Variants in CAMTA1 observed in about 807,000 individuals in gnomAD.
The protein encoded by CAMTA1 is calmodulin binding transcription activator 1, also known as calmodulin-binding transcription activator 1.
Under a neutral mutation model 170.9 loss-of-function variants are expected in CAMTA1, and 27 were observed. The observed-to-expected ratio is 0.16, with a 90% CI of 0.12 to 0.22. CAMTA1 has a LOEUF of 0.22. Among genes scored for constraint, CAMTA1 ranks in the 10% least tolerant of loss-of-function variants. The pLI is 1.00. For synonymous variants in CAMTA1, 833 were observed against 891.5 expected (o/e 0.93, Z 1.17); for missense variants, 1,619 against 2,217.2 (o/e 0.73, Z 5.42).
At chr1:6,922,534 T>G (rs1444392301) in intron 3 of CAMTA1, among the ~76,000 whole-genome samples, 2 of 152,196 alleles carry the variant, frequency 1.3e-5, no homozygotes, top group Non-Finnish European at 2.9e-5. Flanking sequence ...TGGCATCCCT[T>G]TCTCCATGTG....
At chr1:7,646,746 T>C (rs1230209976) in intron 7 of CAMTA1, among the ~76,000 whole-genome samples, 1 of 150,452 alleles carries the variant, frequency 6.6e-6, no homozygotes, top group Non-Finnish European at 1.5e-5. Context: ...GTGGAGGCCA[T>C]GGTGAGTGGG....
chr1:7,244,928 T>G (rs985040262), intron 4 of CAMTA1, among the ~76,000 whole-genome samples: 1 of 151,806 alleles, frequency 6.6e-6, no homozygotes, highest in African/African-American at 2.4e-5. Context: ...ATAAATTAAT[T>G]AATTAATTAA....
chr1:7,464,315 G>T (rs1428482775), intron 5 of CAMTA1, among the ~76,000 whole-genome samples: 1 of 152,194 alleles, frequency 6.6e-6, no homozygotes, highest in African/African-American at 2.4e-5. Flanking sequence ...AAGCTCAACT[G>T]GGGAAACCCC....
At chr1:7,276,735 A>G (rs574879756) in intron 5 of CAMTA1, among the ~76,000 whole-genome samples, 1 of 152,296 alleles carries the variant, frequency 6.6e-6, no homozygotes, top group South Asian at 2.1e-4. Context: ...TAAGGCCAGG[A>G]AAAGAAATAA....
rs1268150823 is a variant in CAMTA1 at position 7,224,550 on chromosome 1, T to C, written c.303-24941T>C. 6.6e-6 allele frequency among the ~76,000 whole-genome samples: 1 copy of C among 152,240 alleles called. No individual in the cohort carries two copies. The highest frequency in any genetic ancestry group is 1.5e-5 in the Non-Finnish European group (1 of 68,046). ...TATTATTTTTCAGGAATCTGCTGTG[T>C]ACGGGTTTTATTTTTAAATGTCATC... On this transcript the variant is annotated intron_variant, in intron 4 of 22. Transcript: ENST00000303635. This position sits in a 1 kb window ranked among gnomAD's most constrained non-coding sequence, Gnocchi z 5.2.
At chr1:7,053,027 C>A (rs549780386) in intron 3 of CAMTA1, among the ~76,000 whole-genome samples, 17 of 152,210 alleles carry the variant, frequency 1.1e-4, no homozygotes, top group Non-Finnish European at 2.2e-4. Flanking sequence ...CGCCCGGCCA[C>A]TCTGCTGAGG....
At chr1:7,058,004 A>G (rs961043951) in intron 3 of CAMTA1, among the ~76,000 whole-genome samples, 1 of 152,196 alleles carries the variant, frequency 6.6e-6, no homozygotes, top group African/African-American at 2.4e-5. Context: ...TTTCTGTTCC[A>G]GAGGCAGGGA....
intron 6 of CAMTA1, among the ~76,000 whole-genome samples, chr1:7,629,950 C>T (rs766214281): frequency 7.2e-5 from 11 of 152,192 alleles, no homozygotes; most frequent in Non-Finnish European, 1.3e-4. Context: ...TCGCCCTGCA[C>T]GTCACTGCCC....
chr1:6,808,201 C>A (rs779465275), intron 1 of CAMTA1, among the ~76,000 whole-genome samples: 5 of 151,648 alleles, frequency 3.3e-5, no homozygotes, highest in South Asian at 2.1e-4. Context: ...GGATTTAATT[C>A]TCTGCTCAGG....
At chr1:7,164,556 A>C (rs549591785) in intron 4 of CAMTA1, among the ~76,000 whole-genome samples, 5 of 152,328 alleles carry the variant, frequency 3.3e-5, no homozygotes, top group African/African-American at 1.2e-4. Flanking sequence ...CTTGGGGTCT[A>C]TGCCCGTGCC....
At chr1:7,086,305 G>A (rs1291298966) in intron 3 of CAMTA1, among the ~76,000 whole-genome samples, 1 of 152,088 alleles carries the variant, frequency 6.6e-6, no homozygotes, top group Non-Finnish European at 1.5e-5. Flanking sequence ...TGGGGAGGCC[G>A]CCGGGCACGC....
At chr1:7,074,070 T>C (rs1638993475) in intron 3 of CAMTA1, among the ~76,000 whole-genome samples, 1 of 152,200 alleles carries the variant, frequency 6.6e-6, no homozygotes. Flanking sequence ...GGCAGGAGGA[T>C]CTGCCCTGGT....
At chr1:6,877,902 C>T (rs1670388766) in intron 3 of CAMTA1, among the ~76,000 whole-genome samples, 1 of 152,352 alleles carries the variant, frequency 6.6e-6, no homozygotes, top group Middle Eastern at 3.4e-3. Flanking sequence ...TTTACCTGCT[C>T]TAGTTCACCT....
Position 7,736,621 on chromosome 1 carries a change from A to G in CAMTA1, c.3263+81A>G. The G allele has an allele frequency of 7.3e-7, 1 of 1,369,440 alleles. No individual in the cohort carries two copies. Among genetic ancestry groups the G allele is most frequent in the Non-Finnish European group, 1.0e-6 (1 of 966,130 alleles). 84.8% of individuals were successfully genotyped at this position (1,369,440 alleles called of 1,614,324 possible). On this transcript the variant is annotated intron_variant, in intron 13 of 22. Coordinates refer to ENST00000303635, the MANE Select transcript of CAMTA1 (RefSeq NM_015215.4). This position sits in a 1 kb window ranked among gnomAD's most constrained non-coding sequence, Gnocchi z 4.5. ...CTTCCTGAGCACTGCCACCCGTGGA[A>G]GAAATCTACCCATTCAGTCCACTTT...
At chr1:7,159,719 A>T (rs918860488) in intron 4 of CAMTA1, among the ~76,000 whole-genome samples, 4 of 151,856 alleles carry the variant, frequency 2.6e-5, no homozygotes, top group South Asian at 2.1e-4. Flanking sequence ...AATTAAAAAA[A>T]ATTTTTTTTG....
intron 6 of CAMTA1, among the ~76,000 whole-genome samples, chr1:7,493,278 T>TA (rs1553180983): frequency 9.3e-5 from 3 of 32,310 alleles, no homozygotes; most frequent in African/African-American, 7.6e-4. Context: ...CACACAAACA[T>TA]ACACGCGCAC....
chr1:7,004,981 A>G (rs1345330912), intron 3 of CAMTA1, among the ~76,000 whole-genome samples: 3 of 152,212 alleles, frequency 2.0e-5, no homozygotes, highest in African/African-American at 7.2e-5. Context: ...TATGTTGGCC[A>G]GGCTGGTCTC....
At chr1:6,984,064 G>A (rs1427400960) in intron 3 of CAMTA1, among the ~76,000 whole-genome samples, 7 of 151,814 alleles carry the variant, frequency 4.6e-5, no homozygotes, top group Non-Finnish European at 8.8e-5. Flanking sequence ...ATAAATGGGT[G>A]GGTGGATGGG....
At chr1:6,910,886 G>A (rs535406347) in intron 3 of CAMTA1, among the ~76,000 whole-genome samples, 1 of 152,302 alleles carries the variant, frequency 6.6e-6, no homozygotes, top group African/African-American at 2.4e-5. Flanking sequence ...TTCTGCTGGG[G>A]GTGCTTTGTT....
Sources: gnomAD v4.1 joint callset for allele counts (sites outside exome capture counted in the v4.1 genomes callset) on GRCh38, gnomAD v4.1.1 for gene constraint, Gnocchi (gnomAD v3.1) non-coding constraint, MANE v1.5 for transcripts, NCBI Gene and HGNC (gene_info 2026-07-23, HGNC 2026-07-21) for gene names.